TJP1: variants seen among roughly 807,000 people sequenced by gnomAD.
The protein encoded by TJP1 is tight junction protein 1.
A neutral mutation model predicts 194.2 loss-of-function variants in TJP1; 43 were observed. The observed-to-expected ratio is 0.22, with a 90% CI of 0.17 to 0.29. The LOEUF is 0.29. TJP1 is among the 10% of genes least tolerant of loss of function. TJP1 has a pLI of 1.00. For missense variants in TJP1, 1,971 were observed against 2,185.7 expected (o/e 0.90, Z 1.96); for synonymous variants, 801 against 779.0 (o/e 1.03, Z -0.47).
intron 2 of TJP1, among the ~76,000 whole-genome samples, chr15:29,836,430 G>A (rs528895698): frequency 1.2e-4 from 18 of 151,680 alleles, no homozygotes; most frequent in Admixed American, 3.9e-4. Flanking sequence ...CCGCCACCAC[G>A]CCTGGCTAAT....
intron 2 of TJP1, among the ~76,000 whole-genome samples, chr15:29,949,340 TCCACCACCA>T (rs1367663019): frequency 1.3e-4 from 10 of 75,492 alleles, no homozygotes; most frequent in Admixed American, 2.8e-4. Context: ...CTCCACCACC[TCCACCACCA>T]CCACCTCCAC....
At chr15:29,816,707 T>C (rs1434521333) in intron 1 of TJP1, among the ~76,000 whole-genome samples, 6 of 152,212 alleles carry the variant, frequency 3.9e-5, no homozygotes, top group African/African-American at 1.4e-4. Flanking sequence ...TGACTGACTC[T>C]TGTCATTAAT....
At chr15:29,777,139 G>A (rs1322324712) in intron 2 of TJP1, among the ~76,000 whole-genome samples, 1 of 152,094 alleles carries the variant, frequency 6.6e-6, no homozygotes, top group African/African-American at 2.4e-5. Context: ...TACTGAAAAC[G>A]TGTGTATTCA....
At chr15:29,759,299 C>T (rs984434573) in intron 8 of TJP1, 1 of 152,204 alleles carries the variant, frequency 6.6e-6, no homozygotes, top group African/African-American at 2.4e-5. Context: ...CCTAAATCAT[C>T]TCTTCAGATC....
intron 27 of TJP1, among the ~76,000 whole-genome samples, chr15:29,702,103 T>C (rs2041585994): frequency 6.6e-6 from 1 of 152,176 alleles, no homozygotes; most frequent in Non-Finnish European, 1.5e-5. Flanking sequence ...TTTTTTTTTT[T>C]TTCCAGTTTC....
chr15:29,900,545 CAG>C (rs1484046468), intron 2 of TJP1, among the ~76,000 whole-genome samples: 1 of 152,128 alleles, frequency 6.6e-6, no homozygotes, highest in African/African-American at 2.4e-5. Context: ...GCAGCCTCTG[CAG>C]AGTTTGCTGA....
intron 2 of TJP1, among the ~76,000 whole-genome samples, chr15:29,875,315 A>G (rs989698103): frequency 2.2e-4 from 34 of 152,244 alleles, no homozygotes; most frequent in African/African-American, 8.2e-4. Flanking sequence ...AGGCTTTTTA[A>G]GAGTGATACT....
chr15:29,881,926 C>T (rs2052946182), intron 2 of TJP1, among the ~76,000 whole-genome samples: 1 of 150,972 alleles, frequency 6.6e-6, no homozygotes, highest in African/African-American at 2.4e-5. Flanking sequence ...TATAGCTAAG[C>T]TTATAAAGAT....
At chr15:29,949,251 C>CCACCACCTCCATCACCTCCAT in intron 2 of TJP1, among the ~76,000 whole-genome samples, 1 of 118,442 alleles carries the variant, frequency 8.4e-6, no homozygotes, top group Non-Finnish European at 1.7e-5. Context: ...ACCTTCACCA[C>CCACCACCTCCATCACCTCCAT]CACCTCCACC....
intron 8 of TJP1, among the ~76,000 whole-genome samples, chr15:29,747,737 C>A (rs1312013748): frequency 6.6e-6 from 1 of 152,144 alleles, no homozygotes; most frequent in Non-Finnish European, 1.5e-5. Flanking sequence ...TTTTAACTTA[C>A]AATATTTTAA....
chr15:29,727,483 T>C (rs1333742839), intron 16 of TJP1, among the ~76,000 whole-genome samples: 1 of 152,216 alleles, frequency 6.6e-6, no homozygotes, highest in Non-Finnish European at 1.5e-5. Context: ...AAAAAACTAA[T>C]TGTAAGTTAA....
intron 8 of TJP1, among the ~76,000 whole-genome samples, chr15:29,755,223 T>C (rs531716785): frequency 1.3e-5 from 2 of 152,300 alleles, no homozygotes; most frequent in East Asian, 3.9e-4. Flanking sequence ...AGCCTGGGTG[T>C]GTGGCAGGCT....
At chr15:29,903,479 C>T (rs936965098) in intron 2 of TJP1, among the ~76,000 whole-genome samples, 1 of 152,098 alleles carries the variant, frequency 6.6e-6, no homozygotes, top group East Asian at 1.9e-4. Context: ...GAGTCTCGCT[C>T]TGTCGCCCAG....
intron 4 of TJP1, among the ~76,000 whole-genome samples, chr15:29,766,874 A>G (rs1440399365): frequency 1.3e-5 from 2 of 152,222 alleles, no homozygotes. Flanking sequence ...TAAAAAGGAC[A>G]GCACTGTACT....
chr15:29,722,796 A>G (rs2043013516), intron 18 of TJP1, among the ~76,000 whole-genome samples: 1 of 152,230 alleles, frequency 6.6e-6, no homozygotes, highest in Non-Finnish European at 1.5e-5. Context: ...GCGTGGCTAC[A>G]GGGGCAGAGC....
At chr15:29,821,860 G>GGCCCCGCGCCA in intron 1 of TJP1, 142 bp downstream of exon 1, 1 of 793,982 alleles carries the variant, frequency 1.3e-6, no homozygotes, top group African/African-American at 1.9e-5. Flanking sequence ...CGCGGCCCGC[G>GGCCCCGCGCCA]GCCCCGCGCC....
At chr15:29,747,572 C>T (rs1228328620) in intron 8 of TJP1, among the ~76,000 whole-genome samples, 1 of 151,890 alleles carries the variant, frequency 6.6e-6, no homozygotes, top group African/African-American at 2.4e-5. Flanking sequence ...ATGAGTTACC[C>T]ACAAAATTTT....
chr15:29,892,328 C>T (rs1161115067), intron 2 of TJP1, among the ~76,000 whole-genome samples: 1 of 152,166 alleles, frequency 6.6e-6, no homozygotes, highest in Non-Finnish European at 1.5e-5. Flanking sequence ...GAAGCCATCT[C>T]CGTAACATAA....
intron 2 of TJP1, among the ~76,000 whole-genome samples, chr15:29,912,869 T>G (rs969207755): frequency 5.3e-5 from 8 of 152,120 alleles, no homozygotes; most frequent in African/African-American, 1.9e-4. Flanking sequence ...AATTTAAAAA[T>G]AAGTTTTAAA....
Sources: gnomAD v4.1 joint callset for allele counts (sites outside exome capture counted in the v4.1 genomes callset) on GRCh38, gnomAD v4.1.1 for gene constraint, MANE v1.5 for transcripts, NCBI Gene and HGNC (gene_info 2026-07-23, HGNC 2026-07-21) for gene names.